Variants in HBP1 observed in about 807,000 individuals in gnomAD.
HBP1 encodes the protein HMG-box transcription factor 1.
HBP1 carries 20 observed loss-of-function variants against 62.6 expected under a neutral mutation model. The ratio of observed to expected loss-of-function variants is 0.32; its 90% CI spans 0.22 to 0.46. The LOEUF (loss-of-function observed/expected upper bound fraction) is 0.46, where lower values mean the gene tolerates loss of function less well. HBP1 is among the 20% of genes least tolerant of loss of function. HBP1 has a pLI of 1.00. For synonymous variants in HBP1, 232 were observed against 206.2 expected, an observed-to-expected ratio of 1.12 and a Z score of -1.07; for missense variants, 480 against 611.8, an observed-to-expected ratio of 0.78 and a Z score of 2.27.
chr7:107,190,652 T>C (rs1026855312), intron 8 of HBP1, among the ~76,000 whole-genome samples: 2 of 152,256 alleles, frequency 1.3e-5, no homozygotes, highest in Admixed American at 1.3e-4. Context: ...GGCCAGTTGT[T>C]CTTAAACAGC....
chr7:107,191,898 A>G (rs957260576), intron 8 of HBP1, among the ~76,000 whole-genome samples: 1 of 152,182 alleles, frequency 6.6e-6, no homozygotes. Flanking sequence ...GACTCTGCAC[A>G]TAGTTGTGCT....
chr7:107,201,390 CTG>C (rs768464934), intron 10 of HBP1, 22 bp from the exon 11 acceptor site: 1 of 1,501,326 alleles, frequency 6.7e-7, no homozygotes, highest in East Asian at 2.3e-5. Flanking sequence ...TAAACATTCA[CTG>C]AGTTTAATTT....
At chr7:107,191,179 G>A (rs1797630171) in intron 8 of HBP1, among the ~76,000 whole-genome samples, 1 of 152,102 alleles carries the variant, frequency 6.6e-6, no homozygotes, top group African/African-American at 2.4e-5. Context: ...TAATTAGTAT[G>A]TTTTATATAT....
intron 6 of HBP1, among the ~76,000 whole-genome samples, chr7:107,188,346 T>C (rs765397951): frequency 1.3e-5 from 2 of 152,212 alleles, no homozygotes; most frequent in African/African-American, 2.4e-5. Context: ...TCCTTCTTGA[T>C]TACCAGATTC....
chr7:107,182,290 G>A (rs1797144266), intron 2 of HBP1, 83 bp from the exon 3 acceptor site: 1 of 716,006 alleles, frequency 1.4e-6, no homozygotes. Flanking sequence ...TAAAATTGAG[G>A]ACTTCTCTTT....
At chr7:107,186,013 A>T (rs1797343606) in intron 4 of HBP1, 71 bp downstream of exon 4, 15 of 1,136,404 alleles carry the variant, frequency 1.3e-5, no homozygotes, top group Non-Finnish European at 1.9e-5. Flanking sequence ...CATTCCTCAT[A>T]GGAAGTAGTC....
chr7:107,195,783 C>G (rs1200762990), intron 8 of HBP1, 51 bp from the exon 9 acceptor site: 5 of 796,020 alleles, frequency 6.3e-6, no homozygotes, highest in Middle Eastern at 4.2e-4. Context: ...TTTTAGAAAT[C>G]AGAGAATTCA....
intron 1 of HBP1, chr7:107,173,399 C>T (rs911593193): frequency 6.6e-6 from 1 of 152,134 alleles, no homozygotes; most frequent in African/African-American, 2.4e-5. Context: ...ATAATAGGCA[C>T]TTGAAAGCAG....
At chr7:107,186,280 C>G in intron 4 of HBP1, 81 bp from the exon 5 acceptor site, 1 of 834,710 alleles carries the variant, frequency 1.2e-6, no homozygotes, top group Non-Finnish European at 1.9e-6. Flanking sequence ...AAGCATGGGC[C>G]TAAAGACGTG....
chr7:107,179,918 C>T lies in HBP1; in HGVS notation c.25C>T (p.Gln9Ter). Residue 9 changes from glutamine (Q) to a stop codon, truncating the protein, a stop_gained, in exon 2 of 11, where the codon CAG (glutamine) becomes TAG (stop). Transcript: ENST00000222574. LOFTEE classifies it high-confidence loss of function. ...CATGGTGTGGGAAGTGAAGACAAATCAGATGCCTAATGCAGTACAGAAACT... is the reference window on the plus strand; with the variant it reads ...CATGGTGTGGGAAGTGAAGACAAATTAGATGCCTAATGCAGTACAGAAACT... MVWEVKTN[Q>*]MPNAVQKLLL... The T allele has an allele frequency of 6.4e-7, 1 of 1,561,460 alleles. No individual in the cohort carries two copies. The highest frequency in any genetic ancestry group is 8.7e-7 in the Non-Finnish European group (1 of 1,145,316).
At chr7:107,170,425 G>GT (rs11431776) in intron 1 of HBP1, among the ~76,000 whole-genome samples, 2,768 of 150,882 alleles carry the variant, frequency 0.018, 82 homozygotes, top group African/African-American at 0.062. Flanking sequence ...TGTACTTTTG[G>GT]TTTTTTTTTG....
intron 1 of HBP1, chr7:107,169,693 G>C (rs1377510926): frequency 1.0e-5 from 10 of 966,148 alleles, no homozygotes; most frequent in Non-Finnish European, 1.2e-5. Flanking sequence ...TCGCGGAGCC[G>C]CTGGGCCCCG....
intron 1 of HBP1, among the ~76,000 whole-genome samples, chr7:107,179,322 C>G (rs1797000841): frequency 6.6e-6 from 1 of 152,086 alleles, no homozygotes; most frequent in East Asian, 1.9e-4. Context: ...TTTTCCTCAG[C>G]AGAAAAGACT....
chr7:107,171,537 A>G (rs529480952), intron 1 of HBP1, among the ~76,000 whole-genome samples: 1 of 151,336 alleles, frequency 6.6e-6, no homozygotes, highest in East Asian at 1.9e-4. Flanking sequence ...AAATACTGGT[A>G]CTCCCCTTTC....
chr7:107,173,854 C>T (rs144731000), intron 1 of HBP1, among the ~76,000 whole-genome samples: 20 of 152,224 alleles, frequency 1.3e-4, no homozygotes, highest in African/African-American at 4.6e-4. Flanking sequence ...ACAAGGCAAG[C>T]TGTGTTGAAT....
At chr7:107,169,881 A>G in intron 1 of HBP1, 2 of 985,502 alleles carry the variant, frequency 2.0e-6, no homozygotes, top group Non-Finnish European at 2.4e-6. Context: ...ACCGGGAGGC[A>G]CCGCTCTGTG....
chr7:107,186,439 T>G lies in HBP1; in HGVS notation c.619T>G (p.Trp207Gly), dbSNP rs1207156681. ...TGATGATTTGGGATGGTGCAATTCC[T>G]GGCCTTCAACTGTCTGGCACTGTTT... is the stretch of plus-strand genomic sequence containing the variant. ...DDDDLGWCNS[W>G]PSTVWHCFLK... Residue 207 changes from tryptophan to glycine, a missense_variant, in exon 5 of 11, where the codon TGG becomes GGG. Physicochemically the swap from Trp to Gly is radical, Grantham distance 184 (BLOSUM62 -2). This residue lies in a region of HBP1 where 304 missense variants were observed against 330.9 expected (regional missense o/e 0.92). Transcript: ENST00000222574. The G allele has an allele frequency of 6.2e-7, 1 of 1,612,854 alleles. No homozygotes were observed. The highest frequency in any genetic ancestry group is 2.2e-5 in the East Asian group (1 of 44,884).
chr7:107,176,128 C>T (rs569090822), intron 1 of HBP1, among the ~76,000 whole-genome samples: 2 of 151,860 alleles, frequency 1.3e-5, no homozygotes, highest in South Asian at 2.1e-4. Flanking sequence ...CGGGTTCAAG[C>T]GATTCTCCTG....
chr7:107,183,998 G>C (rs778027289), intron 3 of HBP1, among the ~76,000 whole-genome samples: 6 of 152,214 alleles, frequency 3.9e-5, no homozygotes, highest in Non-Finnish European at 7.4e-5. Flanking sequence ...AGAAATCAAT[G>C]CTGTTAGTGT....
Sources: allele counts gnomAD v4.1 joint callset (sites outside exome capture counted in the v4.1 genomes callset), GRCh38; gene constraint gnomAD v4.1.1; regional missense constraint gnomAD v4.1.1; transcripts MANE v1.5; gene names NCBI Gene and HGNC (gene_info 2026-07-23, HGNC 2026-07-21).